HPSE2: variants seen among roughly 807,000 people sequenced by gnomAD.
HPSE2 encodes heparanase 2 (inactive).
HPSE2 carries 38 observed loss-of-function variants against 60.5 expected under a neutral mutation model. The ratio of observed to expected loss-of-function variants is 0.63; its 90% confidence interval spans 0.48 to 0.82. The LOEUF is 0.82. Among genes scored for constraint, HPSE2 ranks in the 40% least tolerant of loss-of-function variants. HPSE2 has a pLI of 0.00. For synonymous variants in HPSE2, 295 were observed against 293.2 expected, an observed-to-expected ratio of 1.01 and a Z score of -0.06; for missense variants, 713 against 740.4, an observed-to-expected ratio of 0.96 and a Z score of 0.43.
chr10:98,945,174 A>C (rs1317309428), intron 3 of HPSE2, among the ~76,000 whole-genome samples: 1 of 152,182 alleles, frequency 6.6e-6, no homozygotes, highest in Non-Finnish European at 1.5e-5. Flanking sequence ...ACCCAAAAAA[A>C]GAAGTGAATT....
intron 3 of HPSE2, among the ~76,000 whole-genome samples, chr10:98,959,032 T>A (rs1307371797): frequency 1.3e-5 from 2 of 152,028 alleles, no homozygotes; most frequent in Admixed American, 1.3e-4. Flanking sequence ...AGAGATAATG[T>A]ATATGAAGTC....
chr10:98,557,397 A>C (rs1944042129), intron 9 of HPSE2, among the ~76,000 whole-genome samples: 1 of 152,208 alleles, frequency 6.6e-6, no homozygotes, highest in Admixed American at 6.5e-5. Flanking sequence ...TTTTCAATAA[A>C]TGCTGTTGAG....
intron 3 of HPSE2, among the ~76,000 whole-genome samples, chr10:98,986,647 C>T (rs1013354382): frequency 1.3e-4 from 17 of 135,950 alleles, no homozygotes; most frequent in Non-Finnish European, 2.7e-4. Flanking sequence ...AAGATCAGAG[C>T]AGAACTGAAG....
intron 3 of HPSE2, among the ~76,000 whole-genome samples, chr10:98,782,427 A>G: frequency 8.7e-6 from 1 of 114,868 alleles, no homozygotes; most frequent in Non-Finnish European, 1.8e-5. Context: ...TAAAAATAGC[A>G]ATTCCCCCCA....
the HPSE2 span, among the ~76,000 whole-genome samples, chr10:99,263,703 C>G: frequency 3.3e-5 from 5 of 152,064 alleles, no homozygotes; most frequent in Non-Finnish European, 7.4e-5. Context: ...ATCAATCCCT[C>G]TACACTCAAC....
At chr10:99,305,973 GCGCGCGCA>G in the HPSE2 span, among the ~76,000 whole-genome samples, 10 of 44,052 alleles carry the variant, frequency 2.3e-4, 2 homozygotes, top group African/African-American at 8.3e-4. Flanking sequence ...GCGCGCGCGC[GCGCGCGCA>G]CACACACACA....
At chr10:98,771,073 G>A (rs1431087125) in intron 3 of HPSE2, among the ~76,000 whole-genome samples, 2 of 152,042 alleles carry the variant, frequency 1.3e-5, no homozygotes, top group African/African-American at 4.8e-5. Flanking sequence ...ATTATATTGA[G>A]GCCCTGGGAA....
intron 3 of HPSE2, among the ~76,000 whole-genome samples, chr10:98,843,315 G>A (rs1353195725): frequency 6.6e-6 from 1 of 152,082 alleles, no homozygotes; most frequent in Non-Finnish European, 1.5e-5. Flanking sequence ...CTGTTCCTAT[G>A]TTAGTTTCCT....
intron 2 of HPSE2, among the ~76,000 whole-genome samples, chr10:99,186,799 C>A (rs1848047326): frequency 6.6e-6 from 1 of 151,926 alleles, no homozygotes; most frequent in Non-Finnish European, 1.5e-5. Flanking sequence ...TTTTGTGAGA[C>A]AGGGTCTCAT....
intron 8 of HPSE2, among the ~76,000 whole-genome samples, chr10:98,616,921 T>C (rs765938908): frequency 6.6e-6 from 1 of 152,206 alleles, no homozygotes; most frequent in African/African-American, 2.4e-5. Flanking sequence ...TACTATGAAA[T>C]ACCTTGTCAA....
chr10:98,901,841 A>C (rs891211186), intron 3 of HPSE2, among the ~76,000 whole-genome samples: 9 of 152,172 alleles, frequency 5.9e-5, no homozygotes, highest in Admixed American at 3.3e-4. Flanking sequence ...TAATAGCACT[A>C]TGAGGATTAT....
intron 3 of HPSE2, among the ~76,000 whole-genome samples, chr10:98,894,784 A>G (rs941688345): frequency 6.6e-6 from 1 of 152,102 alleles, no homozygotes; most frequent in Non-Finnish European, 1.5e-5. Flanking sequence ...GAGGAATAAC[A>G]ATGTTGCCAA....
At chr10:98,997,188 C>A (rs1054819690) in intron 3 of HPSE2, among the ~76,000 whole-genome samples, 1 of 148,668 alleles carries the variant, frequency 6.7e-6, no homozygotes, top group Non-Finnish European at 1.5e-5. Context: ...TCTCAGCTCA[C>A]TGCAACCTCC....
intron 3 of HPSE2, among the ~76,000 whole-genome samples, chr10:98,990,967 T>C (rs2135341139): frequency 6.6e-6 from 1 of 152,290 alleles, no homozygotes; most frequent in Non-Finnish European, 1.5e-5. Context: ...TCAAACCCCA[T>C]GCCCCAATCA....
chr10:98,698,753 T>C (rs1012066386), intron 5 of HPSE2, among the ~76,000 whole-genome samples: 3 of 151,538 alleles, frequency 2.0e-5, no homozygotes, highest in Non-Finnish European at 4.4e-5. Flanking sequence ...GCAAGACTAA[T>C]AAAGAAGAAA....
intron 9 of HPSE2, among the ~76,000 whole-genome samples, chr10:98,578,318 T>C (rs1329307611): frequency 1.3e-5 from 2 of 152,178 alleles, no homozygotes; most frequent in African/African-American, 4.8e-5. Flanking sequence ...GGCCCAGTCT[T>C]TTGGATGGGG....
chr10:98,978,930 C>A (rs781076052), intron 3 of HPSE2, among the ~76,000 whole-genome samples: 2 of 152,178 alleles, frequency 1.3e-5, no homozygotes, highest in Non-Finnish European at 2.9e-5. Context: ...CATGCATGTT[C>A]CCAACTGAGG....
chr10:98,698,476 G>A (rs1424872683), intron 5 of HPSE2, among the ~76,000 whole-genome samples: 1 of 151,914 alleles, frequency 6.6e-6, no homozygotes, highest in African/African-American at 2.4e-5. Context: ...GAATCTCTGG[G>A]ACACATTCAA....
At chr10:98,889,689 A>G (rs1395667894) in intron 3 of HPSE2, among the ~76,000 whole-genome samples, 1 of 152,220 alleles carries the variant, frequency 6.6e-6, no homozygotes, top group Non-Finnish European at 1.5e-5. Flanking sequence ...TTGATATTGG[A>G]AAAATTACTT....
Sources: allele counts gnomAD v4.1 joint callset (sites outside exome capture counted in the v4.1 genomes callset), GRCh38; gene constraint gnomAD v4.1.1; transcripts MANE v1.5; gene names NCBI Gene and HGNC (gene_info 2026-07-23, HGNC 2026-07-21).